THRB: variants seen among roughly 807,000 people sequenced by gnomAD.
THRB encodes thyroid hormone receptor beta.
A neutral mutation model predicts 47.8 loss-of-function variants in THRB; 12 were observed. The observed-to-expected ratio is 0.25, with a 90% CI of 0.16 to 0.41. The LOEUF is 0.41. Among genes scored for constraint, THRB ranks in the 10% least tolerant of loss-of-function variants. The probability of loss-of-function intolerance (pLI) is 1.00; values close to 1 mark genes in which losing one functional copy is unlikely to be tolerated. For synonymous variants in THRB, 218 were observed against 212.2 expected, an observed-to-expected ratio of 1.03 and a Z score of -0.24; for missense variants, 348 against 589.2, an observed-to-expected ratio of 0.59 and a Z score of 4.24.
chr3:24,330,757 C>A (rs1008373951), intron 2 of THRB, among the ~76,000 whole-genome samples: 1 of 152,196 alleles, frequency 6.6e-6, no homozygotes, highest in Non-Finnish European at 1.5e-5. Flanking sequence ...CTGCCCCTCT[C>A]CAGCATTTGG....
intron 4 of THRB, among the ~76,000 whole-genome samples, chr3:24,220,063 G>A (rs184513501): frequency 7.2e-4 from 110 of 152,362 alleles, no homozygotes; most frequent in African/African-American, 2.6e-3. Context: ...CAGCAGGGTT[G>A]AGAACCACTG....
At chr3:24,417,117 C>T (rs2068807655) in intron 1 of THRB, among the ~76,000 whole-genome samples, 1 of 151,290 alleles carries the variant, frequency 6.6e-6, no homozygotes. Flanking sequence ...CACACACACA[C>T]ACACACACAC....
At chr3:24,238,438 T>G (rs2049139333) in intron 3 of THRB, among the ~76,000 whole-genome samples, 1 of 152,008 alleles carries the variant, frequency 6.6e-6, no homozygotes, top group Admixed American at 6.6e-5. Flanking sequence ...GACACATGCA[T>G]GAAAAACAAC....
chr3:24,226,852 T>C (rs1165030145), intron 4 of THRB, among the ~76,000 whole-genome samples: 1 of 152,238 alleles, frequency 6.6e-6, no homozygotes, highest in Admixed American at 6.5e-5. Flanking sequence ...ATATAGTCTA[T>C]GGCTTTTCAT....
chr3:24,220,323 T>G (rs933315021), intron 4 of THRB, among the ~76,000 whole-genome samples: 3 of 152,092 alleles, frequency 2.0e-5, no homozygotes, highest in African/African-American at 2.4e-5. Flanking sequence ...AGACCCCATC[T>G]CTACAAAAAA....
chr3:24,297,905 G>C (rs2056583875), intron 2 of THRB, among the ~76,000 whole-genome samples: 1 of 152,146 alleles, frequency 6.6e-6, no homozygotes, highest in South Asian at 2.1e-4. Flanking sequence ...TTAGACTTCA[G>C]AGCAGTGGCT....
chr3:24,123,992 T>C (rs1486931979), intron 10 of THRB, among the ~76,000 whole-genome samples: 1 of 152,196 alleles, frequency 6.6e-6, no homozygotes, highest in Non-Finnish European at 1.5e-5. Flanking sequence ...GACACTTGGC[T>C]GACAAAAATA....
At chr3:24,223,052 T>C (rs1356763874) in intron 4 of THRB, among the ~76,000 whole-genome samples, 2 of 152,202 alleles carry the variant, frequency 1.3e-5, no homozygotes, top group African/African-American at 2.4e-5. Flanking sequence ...GAGGGTCGTG[T>C]TGGCATTCTG....
chr3:24,415,870 T>C (rs1159580439), intron 1 of THRB, among the ~76,000 whole-genome samples: 1 of 151,870 alleles, frequency 6.6e-6, no homozygotes, highest in Admixed American at 6.6e-5. Flanking sequence ...ACAGACTCAG[T>C]TGATACTTAA....
chr3:24,133,443 G>T lies in THRB; in HGVS notation c.758C>A (p.Ala253Glu), dbSNP rs781601840. Reference protein sequence around the residue: ...RKFLPEDIGQAPIVNAPEGGK... With the variant: ...RKFLPEDIGQEPIVNAPEGGK... ...ACCTTCTGGGGCATTGACTATTGGTGCTTGTCCAATGTCTTCTGGCTAAGG... is the reference window on the plus strand; with the variant it reads ...ACCTTCTGGGGCATTGACTATTGGTTCTTGTCCAATGTCTTCTGGCTAAGG... The change falls in exon 9 of 11, where the codon GCA becomes GAA. Residue 253 changes from alanine to glutamate, a missense_variant. Ala to Glu is a moderately radical substitution (Grantham distance 107). Transcript: ENST00000646209. 1 of 1,614,136 alleles carries T rather than the reference G, an allele frequency of 6.2e-7. No homozygotes were observed. Among genetic ancestry groups the T allele is most frequent in the South Asian group, 1.1e-5 (1 of 91,076 alleles).
intron 9 of THRB, 132 bp from the exon 10 acceptor site, chr3:24,127,889 G>A: frequency 3.7e-6 from 4 of 1,084,494 alleles, no homozygotes; most frequent in Non-Finnish European, 5.5e-6. Context: ...TGAGCCCATG[G>A]TTTTCCCTTC....
intron 1 of THRB, among the ~76,000 whole-genome samples, chr3:24,389,435 G>A (rs1421451172): frequency 6.6e-6 from 1 of 152,152 alleles, no homozygotes; most frequent in Non-Finnish European, 1.5e-5. Context: ...ATATGTGACT[G>A]CTGACATTTC....
intron 3 of THRB, among the ~76,000 whole-genome samples, chr3:24,265,833 T>C (rs2052593817): frequency 6.6e-6 from 1 of 152,158 alleles, no homozygotes; most frequent in Non-Finnish European, 1.5e-5. Flanking sequence ...CATAGGGTAC[T>C]GTTAGAGGAA....
intron 3 of THRB, among the ~76,000 whole-genome samples, chr3:24,279,463 C>T (rs977814878): frequency 6.6e-6 from 1 of 152,026 alleles, no homozygotes; most frequent in Non-Finnish European, 1.5e-5. Flanking sequence ...CAGCTCACTG[C>T]AAGCTCCACC....
chr3:24,455,779 T>C (rs921491534), intron 1 of THRB, among the ~76,000 whole-genome samples: 2 of 151,764 alleles, frequency 1.3e-5, no homozygotes, highest in African/African-American at 2.4e-5. Flanking sequence ...CTCAATGACA[T>C]ATAGGATGGA....
At chr3:24,253,733 A>G (rs1206940867) in intron 3 of THRB, among the ~76,000 whole-genome samples, 2 of 152,188 alleles carry the variant, frequency 1.3e-5, no homozygotes, top group East Asian at 3.9e-4. Flanking sequence ...CTCAATTTTT[A>G]AAGAAAACCA....
At chr3:24,462,002 C>G (rs1577742063) in intron 1 of THRB, among the ~76,000 whole-genome samples, 1 of 152,142 alleles carries the variant, frequency 6.6e-6, no homozygotes, top group South Asian at 2.1e-4. Context: ...TTATATAAAG[C>G]CTCATCCTGT....
chr3:24,491,320 C>T (rs1401688898), intron 1 of THRB, among the ~76,000 whole-genome samples: 1 of 152,182 alleles, frequency 6.6e-6, no homozygotes, highest in Non-Finnish European at 1.5e-5. Context: ...ACTCTAGACA[C>T]AAAAACAAAT....
At chr3:24,365,586 A>G (rs1463105566) in intron 1 of THRB, among the ~76,000 whole-genome samples, 1 of 152,194 alleles carries the variant, frequency 6.6e-6, no homozygotes, top group African/African-American at 2.4e-5. Flanking sequence ...GGGAATCACA[A>G]AGAAATATGA....
Sources: gnomAD v4.1 joint callset for allele counts (sites outside exome capture counted in the v4.1 genomes callset) on GRCh38, gnomAD v4.1.1 for gene constraint, MANE v1.5 for transcripts, NCBI Gene and HGNC (gene_info 2026-07-23, HGNC 2026-07-21) for gene names.